The following SIM1 variants were observed in gnomAD, a reference collection of about 807,000 sequenced individuals.
SIM1 encodes SIM bHLH transcription factor 1, also known as single-minded homolog 1.
SIM1 carries 18 observed loss-of-function variants against 78.2 expected under a neutral mutation model. That is an observed-to-expected ratio of 0.23 (90% CI 0.16 to 0.34). The LOEUF (loss-of-function observed/expected upper bound fraction) is 0.34. SIM1 is among the 10% of genes least tolerant of loss of function. The pLI is 1.00. For missense variants in SIM1, 939 were observed against 975.1 expected, an observed-to-expected ratio of 0.96 and a Z score of 0.49; for synonymous variants, 417 against 385.2, an observed-to-expected ratio of 1.08 and a Z score of -0.97.
chr6:100,461,876 TAGGCTTTCA>T (rs1772866116), intron 2 of SIM1, among the ~76,000 whole-genome samples: 1 of 142,986 alleles, frequency 7.0e-6, no homozygotes, highest in African/African-American at 2.6e-5. Context: ...TCAGGTACTT[TAGGCTTTCA>T]TTTCTTTTTT....
intron 9 of SIM1, among the ~76,000 whole-genome samples, chr6:100,435,421 G>A (rs745317552): frequency 1.1e-4 from 17 of 152,224 alleles, no homozygotes; most frequent in Admixed American, 7.2e-4. Context: ...TGGTATGCTC[G>A]CTGGACCACT....
chr6:100,447,879 T>C (rs1243877211), intron 8 of SIM1, among the ~76,000 whole-genome samples: 3 of 152,226 alleles, frequency 2.0e-5, no homozygotes, highest in African/African-American at 7.2e-5. Context: ...AAAATACCAA[T>C]AGGAGAGTAA....
In SIM1 at chr6:100,449,774, G is replaced by A. The variant is rs879589466; in HGVS notation, c.349-75C>T. 116 of 1,232,080 alleles carry A rather than the reference G, an allele frequency of 9.4e-5. 1 individual carries two copies. The highest frequency in any genetic ancestry group is 6.6e-4 in the Admixed American group (38 of 57,546). The allele number at this position is 1,232,080 out of a possible 1,614,324, so 76.3% of individuals were successfully genotyped here. ...AAGGGACTGAAAGATTAGGCCAGGG[G>A]ATCTGCAGGACCATGAGGACAGCAG... On this transcript the variant is annotated intron_variant, in intron 4 of 11. Coordinates refer to ENST00000369208, the MANE Select transcript of SIM1 (RefSeq NM_005068.3).
intron 10 of SIM1, among the ~76,000 whole-genome samples, chr6:100,406,909 C>G (rs923171778): frequency 6.6e-6 from 1 of 151,616 alleles, no homozygotes; most frequent in African/African-American, 2.4e-5. Flanking sequence ...AGTCACCATG[C>G]TCTACATTAG....
chr6:100,390,280 C>T lies in SIM1; in HGVS notation c.*81G>A, dbSNP rs935576643. The T allele has an allele frequency of 4.8e-5, 69 of 1,433,794 alleles. No homozygotes were observed. The highest frequency in any genetic ancestry group is 5.9e-5 in the Non-Finnish European group (62 of 1,055,830). The allele number at this position is 1,433,794 out of a possible 1,614,324, so 88.8% of individuals were successfully genotyped here. A position where few individuals can be genotyped will look rare whatever the true frequency, so the allele number is the denominator to read the frequency against. On this transcript the variant is annotated 3_prime_UTR_variant, in exon 12 of 12. Transcript: ENST00000369208. ...AGTTATACTCTCTAACAATCTGTGG[C>T]ATAGTAAATGCTGGTAATGGGGTAT... is the stretch of plus-strand genomic sequence containing the variant.
rs1770693565 is a variant in SIM1, at chr6:100,393,569, C to T, written c.1488G>A (p.Leu496=). ...TTTCTGGGGAGGCCTTTGTCAGGGG[C>T]AAGGCTGCGCGAGAGCCCCACCAGG... ...REPWWGSRAA[L]PLTKASPESR... is the part of the protein sequence containing the mutation. Residue 496 remains leucine (L), a synonymous_variant, in exon 11 of 12, where the codon TTG becomes TTA. Coordinates refer to ENST00000369208, the MANE Select transcript of SIM1 (RefSeq NM_005068.3). 1 of 1,612,986 alleles carries T rather than the reference C, an allele frequency of 6.2e-7. No individual in the cohort carries two copies. Among genetic ancestry groups the T allele is most frequent in the Non-Finnish European group, 8.5e-7 (1 of 1,179,102 alleles).
Position 100,450,696 on chromosome 6 carries a change from T to TCACACACA in SIM1, c.259-348_259-341dup, listed in dbSNP as rs112151329. On this transcript the variant is annotated intron_variant, in intron 3 of 11. Transcript: ENST00000369208. ...CTCTCTCTCTCTCTCTCTCTCTCTC[T>TCACACACA]CACACACACACACACACACACACAC... Among the ~76,000 whole-genome samples, 77 of 91,906 alleles carry TCACACACA rather than the reference T, an allele frequency of 8.4e-4. 1 individual carries two copies. Among genetic ancestry groups the TCACACACA allele is most frequent in the Non-Finnish European group, 1.3e-3 (60 of 45,450 alleles). The allele number at this position is 91,906 out of a possible 152,430, so 60.3% of individuals were successfully genotyped here.
intron 2 of SIM1, among the ~76,000 whole-genome samples, chr6:100,461,975 T>A (rs1200215516): frequency 6.6e-6 from 1 of 152,014 alleles, no homozygotes; most frequent in African/African-American, 2.4e-5. Context: ...ACTTGTAGTT[T>A]GAAGGTAGAA....
At chr6:100,434,481 T>C (rs756439761) in intron 9 of SIM1, among the ~76,000 whole-genome samples, 4 of 152,186 alleles carry the variant, frequency 2.6e-5, no homozygotes, top group Non-Finnish European at 4.4e-5. Flanking sequence ...TATCAATTAA[T>C]GGGAGGTACT....
At chr6:100,395,665 C>T (rs1770748430) in intron 10 of SIM1, among the ~76,000 whole-genome samples, 1 of 152,148 alleles carries the variant, frequency 6.6e-6, no homozygotes. Context: ...CACTGCTGTT[C>T]CCTTGTCGCC....
intron 3 of SIM1, among the ~76,000 whole-genome samples, chr6:100,451,585 G>A (rs1200232465): frequency 6.6e-6 from 1 of 152,082 alleles, no homozygotes; most frequent in East Asian, 1.9e-4. Context: ...AGGAAGGGGA[G>A]GGGAAGAGGA....
At chr6:100,392,772 C>T (rs1770672348) in intron 11 of SIM1, among the ~76,000 whole-genome samples, 1 of 152,172 alleles carries the variant, frequency 6.6e-6, no homozygotes, top group Admixed American at 6.5e-5. Flanking sequence ...CCGGTCTGGA[C>T]CCAAGCTTGG....
chr6:100,460,350 GT>G (rs1443635439), intron 2 of SIM1, among the ~76,000 whole-genome samples: 1 of 152,134 alleles, frequency 6.6e-6, no homozygotes, highest in Non-Finnish European at 1.5e-5. Context: ...AAATGATTTT[GT>G]TTGTTCATTT....
In SIM1 at chr6:100,388,161, CTT is replaced by C. The variant is rs1770554462; in HGVS notation, c.*2198_*2199del. ...ATACTCTTTTTTGTATAATTCAAAA[CTT>C]AGTTTTTATTGTATGGTCACCCCTT... is the stretch of plus-strand genomic sequence containing the variant. On this transcript the variant is annotated 3_prime_UTR_variant, in exon 12 of 12. Transcript: ENST00000369208. 1 of 152,052 alleles carries C rather than the reference CTT, an allele frequency of 6.6e-6. No individual in the cohort carries two copies. The highest frequency in any genetic ancestry group is 2.4e-5 in the African/African-American group (1 of 41,410). The allele number at this position is 152,052 out of a possible 1,614,324, so 9.4% of individuals were successfully genotyped here. A position where few individuals can be genotyped will look rare whatever the true frequency, so the allele number is the denominator to read the frequency against.
At chr6:100,392,480 A>G (rs1770666037) in intron 11 of SIM1, among the ~76,000 whole-genome samples, 1 of 152,094 alleles carries the variant, frequency 6.6e-6, no homozygotes, top group East Asian at 1.9e-4. Flanking sequence ...CAGGATTTTC[A>G]CTTAACTCTA....
At position 100,441,028 on chromosome 6, in the gene SIM1, G is replaced by A. The variant is rs370928919; in HGVS notation, c.998+6240C>T. On this transcript the variant is annotated intron_variant, in intron 9 of 11. Transcript: ENST00000369208. The stretch of plus-strand genomic sequence containing the variant: ...CTGCCTTCATATGAGGCAGTGATCC[G>A]TATTTTTCTACAATGTGAGTCAAAG... Among the ~76,000 whole-genome samples the A allele has an allele frequency of 2.0e-4, 30 of 152,272 alleles. No individual in the cohort carries two copies. In the East Asian group the frequency reaches 3.1e-3, roughly 16 times the overall value.
chr6:100,448,752 A>T (rs1026315091), intron 6 of SIM1, 74 bp from the exon 7 acceptor site: 1 of 1,331,266 alleles, frequency 7.5e-7, no homozygotes, highest in African/African-American at 1.4e-5. Flanking sequence ...AAGGGGTTGA[A>T]ACATGTTGAA....
chr6:100,416,836 C>T (rs28678808), intron 10 of SIM1, among the ~76,000 whole-genome samples: 3 of 152,144 alleles, frequency 2.0e-5, no homozygotes, highest in African/African-American at 4.8e-5. Context: ...TCTTCCTCTA[C>T]AGTCCCTTTT....
intron 9 of SIM1, among the ~76,000 whole-genome samples, chr6:100,430,619 C>T (rs1771876757): frequency 6.6e-6 from 1 of 152,118 alleles, no homozygotes; most frequent in African/African-American, 2.4e-5. Context: ...CCTCCCCACC[C>T]TCTGTGTCCA....
Sources: allele counts gnomAD v4.1 joint callset (sites outside exome capture counted in the v4.1 genomes callset), GRCh38; gene constraint gnomAD v4.1.1; transcripts MANE v1.5; gene names NCBI Gene and HGNC (gene_info 2026-07-23, HGNC 2026-07-21).